SLC7A7: variants seen among roughly 807,000 people sequenced by gnomAD.
The protein encoded by SLC7A7 is solute carrier family 7 member 7.
Under a neutral mutation model 47.9 loss-of-function variants are expected in SLC7A7, and 39 were observed. The ratio of observed to expected loss-of-function variants is 0.81; its 90% CI spans 0.63 to 1.06. SLC7A7 has a LOEUF of 1.06. Ranked by LOEUF, SLC7A7 falls within the 50% of genes least tolerant of loss-of-function variation. The pLI, the probability that SLC7A7 is intolerant of heterozygous loss-of-function variation, is 0.00. For missense variants in SLC7A7, 588 were observed against 632.0 expected (o/e 0.93, Z 0.75); for synonymous variants, 234 against 242.8 (o/e 0.96, Z 0.34).
At chr14:22,793,468 C>G (rs1340419858) in intron 2 of SLC7A7, among the ~76,000 whole-genome samples, 2 of 152,096 alleles carry the variant, frequency 1.3e-5, no homozygotes, top group African/African-American at 4.8e-5. Context: ...TCCTTCTTGC[C>G]TGGGGACTAG....
intron 2 of SLC7A7, among the ~76,000 whole-genome samples, chr14:22,781,042 C>G (rs114817317): frequency 6.6e-6 from 1 of 152,120 alleles, no homozygotes; most frequent in Non-Finnish European, 1.5e-5. Flanking sequence ...CAGATCTTCC[C>G]ACTGGTAGCA....
intron 4 of SLC7A7, among the ~76,000 whole-genome samples, chr14:22,777,630 C>T (rs529422298): frequency 6.6e-5 from 10 of 152,268 alleles, no homozygotes; most frequent in African/African-American, 2.2e-4. Flanking sequence ...AGTTTCTGTC[C>T]GGTAGGTGGA....
At chr14:22,798,128 T>G (rs560165110) in intron 2 of SLC7A7, among the ~76,000 whole-genome samples, 2 of 152,134 alleles carry the variant, frequency 1.3e-5, no homozygotes, top group Admixed American at 1.3e-4. Flanking sequence ...AAACCCCATC[T>G]CTACTAAAAA....
chr14:22,778,687 G>A (rs994253387), intron 4 of SLC7A7, 106 bp downstream of exon 4: 4 of 1,235,160 alleles, frequency 3.2e-6, no homozygotes, highest in Admixed American at 4.4e-5. Context: ...AAATGAGGCT[G>A]GTAAAATTAA....
intron 2 of SLC7A7, among the ~76,000 whole-genome samples, chr14:22,786,001 C>G (rs7161536): frequency 9.4e-5 from 13 of 138,382 alleles, no homozygotes; most frequent in Admixed American, 4.5e-4. Flanking sequence ...CAGCCTGGGC[C>G]ACAGAGCGAG....
In SLC7A7 at chr14:22,812,880, C is replaced by T; in HGVS notation, c.499+20G>A. On this transcript the variant is annotated intron_variant, in intron 2 of 9. Transcript: ENST00000674313. ...CTGTCCAGCCCTCCACCCACCACCT[C>T]CTACCCCAGCCCCACTTACAAATGC... 3 of 1,611,652 alleles carry T rather than the reference C, an allele frequency of 1.9e-6. No individual in the cohort carries two copies. The highest frequency in any genetic ancestry group is 2.5e-6 in the Non-Finnish European group (3 of 1,179,718).
chr14:22,798,338 G>T (rs1005092116), intron 2 of SLC7A7, among the ~76,000 whole-genome samples: 3 of 151,924 alleles, frequency 2.0e-5, no homozygotes, highest in Non-Finnish European at 4.4e-5. Flanking sequence ...AAAAGGAGAA[G>T]GAGAAGGAGA....
chr14:22,774,355 T>C lies in SLC7A7; in HGVS notation c.1244A>G (p.Lys415Arg), dbSNP rs768762730. Residue 415 changes from lysine to arginine, a missense_variant and splice_region_variant, in exon 8 of 10, where the codon AAG (lysine) becomes AGG (arginine). Physicochemically the swap from Lys to Arg is conservative, Grantham distance 26. Coordinates refer to ENST00000674313, the MANE Select transcript of SLC7A7 (RefSeq NM_003982.4). ...AGAGGTAGGATGGAGTTGCCTTACC[T>C]TGAGGGGACGAGGTCGATCAGGCTC... Reference protein sequence around the residue: ...WKEPDRPRPLKLSVFFPIVFC... With the variant: ...WKEPDRPRPLRLSVFFPIVFC... The C allele has an allele frequency of 6.2e-7, 1 of 1,614,076 alleles. No individual in the cohort carries two copies. Among genetic ancestry groups the C allele is most frequent in the East Asian group, 2.2e-5 (1 of 44,892 alleles).
At chr14:22,782,769 T>G (rs1482879498) in intron 2 of SLC7A7, among the ~76,000 whole-genome samples, 11 of 122,272 alleles carry the variant, frequency 9.0e-5, no homozygotes, top group Non-Finnish European at 1.3e-4. Context: ...TCCCTTTTTG[T>G]TTTTTTTTTG....
At chr14:22,816,459 A>G (rs1316329344), upstream of SLC7A7, 1 of 151,922 alleles carries the variant, frequency 6.6e-6, no homozygotes, top group African/African-American at 2.4e-5. Flanking sequence ...GTGAACCCAC[A>G]TTAGGCCACT....
chr14:22,774,048 A>C lies in SLC7A7; in HGVS notation c.1314T>G (p.Ser438Arg). 1 of 1,614,220 alleles carries C rather than the reference A, an allele frequency of 6.2e-7. No individual in the cohort carries two copies. The stretch of plus-strand genomic sequence containing the variant: ...TGCCGATGAGGGAGTTGATAGTATC[A>C]CTGTAAAGTGGAACAGCCACCAGGA... ...TIFLVAVPLY[S>R]DTINSLIGIA... Residue 438 changes from serine (S) to arginine (R), a missense_variant, in exon 9 of 10, where the codon AGT (serine) becomes AGG (arginine). By Grantham distance (110) the Ser-to-Arg change is moderately radical. Coordinates refer to ENST00000674313, the MANE Select transcript of SLC7A7 (RefSeq NM_003982.4).
chr14:22,792,899 G>GAGAGAGAGAGAGAGAGAGA (rs1555323625), intron 2 of SLC7A7, among the ~76,000 whole-genome samples: 1 of 129,522 alleles, frequency 7.7e-6, no homozygotes, highest in Non-Finnish European at 1.7e-5. Context: ...GAGAGAGAAA[G>GAGAGAGAGAGAGAGAGAGA]GAAAAGAAAA....
rs2139383531 is a variant in SLC7A7, at chr14:22,774,091, A to G, written c.1271T>C (p.Phe424Ser). Residue 424 changes from phenylalanine to serine, a missense_variant, in exon 9 of 10, where the codon TTC becomes TCC. Coordinates refer to ENST00000674313, the MANE Select transcript of SLC7A7 (RefSeq NM_003982.4). ...CACCAGGAAGATGGTGCAGAGGCAG[A>G]AGACAATCGGGAAGAAAACGCTGAG... ...LKLSVFFPIV[F>S]CLCTIFLVAV... The G allele has an allele frequency of 6.2e-7, 1 of 1,614,236 alleles. No homozygotes were observed. Among genetic ancestry groups the G allele is most frequent in the African/African-American group, 1.3e-5 (1 of 75,070 alleles).
At position 22,791,641 on chromosome 14, in the gene SLC7A7, C is replaced by G. The variant is rs531307809; in HGVS notation, c.500-11590G>C. ...GGCCAAACCCCACAACTGGCATACT[C>G]AGGCCTGCTAATACCCTGGTGTCTC... is the stretch of plus-strand genomic sequence containing the variant. On this transcript the variant is annotated intron_variant, in intron 2 of 9. Transcript: ENST00000674313. 4.6e-5 allele frequency among the ~76,000 whole-genome samples: 7 copies of G among 152,234 alleles called. No individual in the cohort carries two copies. The South Asian group carries it at 1.5e-3, about 32-fold the overall frequency.
At chr14:22,787,847 G>A (rs1320850063) in intron 2 of SLC7A7, among the ~76,000 whole-genome samples, 2 of 152,032 alleles carry the variant, frequency 1.3e-5, no homozygotes, top group Admixed American at 1.3e-4. Context: ...GCCGAGGCAG[G>A]CAGATCACAA....
chr14:22,792,867 A>AAGAGAGAGAGAGAGAGAG lies in SLC7A7; in HGVS notation c.500-12834_500-12817dup, dbSNP rs113285148. The stretch of plus-strand genomic sequence containing the variant: ...TGTGAGGCCCCGTCTCAAAGAAAGA[A>AAGAGAGAGAGAGAGAGAG]AGAGAGAGAGAGAGAGAGAGAGAGA... On this transcript the variant is annotated intron_variant, in intron 2 of 9. Transcript: ENST00000674313. 9.7e-3 allele frequency among the ~76,000 whole-genome samples: 1,186 copies of AAGAGAGAGAGAGAGAGAG among 122,444 alleles called. 13 individuals are homozygous for AAGAGAGAGAGAGAGAGAG. The highest frequency in any genetic ancestry group is 0.014 in the Non-Finnish European group (845 of 60,874). 80.3% of individuals were successfully genotyped at this position (122,444 alleles called of 152,430 possible).
At chr14:22,788,563 G>A (rs1170259828) in intron 2 of SLC7A7, among the ~76,000 whole-genome samples, 1 of 151,820 alleles carries the variant, frequency 6.6e-6, no homozygotes, top group Non-Finnish European at 1.5e-5. Context: ...AATTAGCTGG[G>A]CGTGGTGGCG....
At position 22,779,985 on chromosome 14, in the gene SLC7A7, T is replaced by C. The variant is rs1302894625; in HGVS notation, c.566A>G (p.Tyr189Cys). The change falls in exon 3 of 10, where the codon TAT becomes TGT. Residue 189 changes from tyrosine to cysteine, a missense_variant. By Grantham distance (194) the Tyr-to-Cys change is radical. Transcript: ENST00000674313. ...WGTLVQDIFT[Y>C]AKVLALIAVI... The stretch of plus-strand genomic sequence containing the variant: ...CGCGATCAGTGCCAATACTTTAGCA[T>C]AGGTGAAAATATCTTGTACCAGGGT... The C allele has an allele frequency of 1.9e-6, 3 of 1,614,132 alleles. 1 individual carries two copies. The highest frequency in any genetic ancestry group is 4.5e-5 in the East Asian group (2 of 44,880).
At chr14:22,787,023 C>A (rs1171808630) in intron 2 of SLC7A7, among the ~76,000 whole-genome samples, 1 of 152,168 alleles carries the variant, frequency 6.6e-6, no homozygotes, top group Non-Finnish European at 1.5e-5. Flanking sequence ...ATGCATTATT[C>A]TTATATGATA....
Sources: gnomAD v4.1 joint callset for allele counts (sites outside exome capture counted in the v4.1 genomes callset) on GRCh38, gnomAD v4.1.1 for gene constraint, MANE v1.5 for transcripts, NCBI Gene and HGNC (gene_info 2026-07-23, HGNC 2026-07-21) for gene names.